The following ASXL2 variants were observed in gnomAD, a reference collection of about 807,000 sequenced individuals.
ASXL2 encodes putative Polycomb group protein ASXL2.
In ASXL2, 23 loss-of-function variants were observed where a neutral mutation model predicts 122.0. That is an observed-to-expected ratio of 0.19 (90% CI 0.14 to 0.27). The LOEUF (loss-of-function observed/expected upper bound fraction) is 0.27, where lower values mean the gene tolerates loss of function less well. Ranked by LOEUF, ASXL2 falls within the 10% of genes least tolerant of loss-of-function variation. The pLI, the probability that ASXL2 is intolerant of heterozygous loss-of-function variation, is 1.00. For synonymous variants in ASXL2, 650 were observed against 637.0 expected (o/e 1.02, Z -0.31); for missense variants, 1,518 against 1,713.8 (o/e 0.89, Z 2.02).
At chr2:25,774,832 A>G (rs1163882508) in intron 5 of ASXL2, among the ~76,000 whole-genome samples, 3 of 152,204 alleles carry the variant, frequency 2.0e-5, no homozygotes, top group Non-Finnish European at 4.4e-5. Context: ...AGTTTTCTAC[A>G]TCCTTGCCAA....
At chr2:25,805,333 TAAAC>T (rs947401834) in intron 4 of ASXL2, among the ~76,000 whole-genome samples, 13 of 152,164 alleles carry the variant, frequency 8.5e-5, no homozygotes, top group Admixed American at 7.2e-4. Flanking sequence ...TGAGGCTTCT[TAAAC>T]AATTATTATA....
chr2:25,848,229 T>C (rs1159610876), intron 1 of ASXL2, among the ~76,000 whole-genome samples: 2 of 152,234 alleles, frequency 1.3e-5, no homozygotes, highest in Admixed American at 6.5e-5. Flanking sequence ...TCCATGTTAA[T>C]GGTAAAAATT....
chr2:25,810,456 C>T, intron 3 of ASXL2: 1 of 717,968 alleles, frequency 1.4e-6, no homozygotes, highest in Non-Finnish European at 2.5e-6. Flanking sequence ...CCACGTGCTC[C>T]TGAGCACAGT....
intron 1 of ASXL2, among the ~76,000 whole-genome samples, chr2:25,847,871 T>A (rs1259594208): frequency 2.0e-5 from 3 of 152,218 alleles, no homozygotes; most frequent in African/African-American, 7.2e-5. Context: ...AGGTAAATGA[T>A]AAACAAAGAT....
At position 25,826,762 on chromosome 2, in the gene ASXL2, T is replaced by TAAAAAA. The variant is rs55765302; in HGVS notation, c.143+8770_143+8775dup. 2.2e-4 allele frequency among the ~76,000 whole-genome samples: 15 copies of TAAAAAA among 68,082 alleles called. 1 individual carries two copies. The highest frequency in any genetic ancestry group is 1.1e-3 in the Admixed American group (5 of 4,528). 44.7% of individuals were successfully genotyped at this position (68,082 alleles called of 152,430 possible). ...AGGATTAAATAATAGACTTTCAAGG[T>TAAAAAA]AAAAAAAAAAAAAAAAAAAAAAAAA... is the stretch of plus-strand genomic sequence containing the variant. On this transcript the variant is annotated intron_variant, in intron 3 of 12. Coordinates refer to ENST00000435504, the MANE Select transcript of ASXL2 (RefSeq NM_018263.6).
chr2:25,769,889 C>G (rs1010847239), intron 6 of ASXL2, among the ~76,000 whole-genome samples: 1 of 152,200 alleles, frequency 6.6e-6, no homozygotes, highest in Non-Finnish European at 1.5e-5. Flanking sequence ...AACAAATGAT[C>G]TCCTCACTCT....
At chr2:25,830,420 T>C (rs1353535360) in intron 3 of ASXL2, among the ~76,000 whole-genome samples, 1 of 152,072 alleles carries the variant, frequency 6.6e-6, no homozygotes, top group East Asian at 1.9e-4. Flanking sequence ...TCACCTGAGG[T>C]CAGGAGTTTG....
At chr2:25,799,693 CTT>C (rs944173224) in intron 4 of ASXL2, among the ~76,000 whole-genome samples, 158 bp from the exon 5 acceptor site, 12 of 152,270 alleles carry the variant, frequency 7.9e-5, no homozygotes, top group African/African-American at 2.9e-4. Context: ...CCTGTCATCT[CTT>C]TGAGGCAAAT....
At chr2:25,748,459 T>C (rs866632725) in intron 12 of ASXL2, among the ~76,000 whole-genome samples, 9 of 151,770 alleles carry the variant, frequency 5.9e-5, no homozygotes, top group Admixed American at 3.3e-4. Flanking sequence ...TGAGCCAAGA[T>C]TGTGCCACTG....
chr2:25,830,157 A>G (rs903711024), intron 3 of ASXL2, among the ~76,000 whole-genome samples: 3 of 152,220 alleles, frequency 2.0e-5, no homozygotes, highest in Admixed American at 6.5e-5. Context: ...CAATCCACTA[A>G]AACAGTCCAG....
intron 2 of ASXL2, among the ~76,000 whole-genome samples, chr2:25,841,495 A>G (rs1477601666): frequency 6.6e-6 from 1 of 152,048 alleles, no homozygotes. Flanking sequence ...GGTACAGAGA[A>G]ATTGTATGTT....
chr2:25,866,085 A>G lies in ASXL2; in HGVS notation c.57+12081T>C, dbSNP rs1419943942. Among the ~76,000 whole-genome samples, 4 of 151,962 alleles carry G rather than the reference A, an allele frequency of 2.6e-5. No individual in the cohort carries two copies. In the East Asian group the frequency reaches 7.7e-4, roughly 29 times the overall value. On this transcript the variant is annotated intron_variant, in intron 1 of 12. Coordinates refer to ENST00000435504, the MANE Select transcript of ASXL2 (RefSeq NM_018263.6). ...AAATCACACAGGAAGTTAAAAATAT[A>G]CAATTTTTAAGATTGTCATTAAAGC...
At position 25,802,381 on chromosome 2, in the gene ASXL2, G is replaced by A. The variant is rs78949783; in HGVS notation, c.253-2846C>T. ...GTGTCCAGCACAGAGGTAATATTGT[G>A]ATATAGTATGAAATATATATTTGGT... On this transcript the variant is annotated intron_variant, in intron 4 of 12. Coordinates refer to ENST00000435504, the MANE Select transcript of ASXL2 (RefSeq NM_018263.6). 1.2e-4 allele frequency among the ~76,000 whole-genome samples: 18 copies of A among 152,266 alleles called. No homozygotes were observed. In the East Asian group the frequency reaches 3.5e-3, roughly 29 times the overall value.
chr2:25,774,478 T>G (rs1574409538), intron 5 of ASXL2, among the ~76,000 whole-genome samples: 1 of 152,162 alleles, frequency 6.6e-6, no homozygotes, highest in East Asian at 1.9e-4. Flanking sequence ...ATAAATATTG[T>G]GCAGCAGGAA....
chr2:25,852,208 C>T lies in ASXL2; in HGVS notation c.58-6645G>A, dbSNP rs142816938. On this transcript the variant is annotated intron_variant, in intron 1 of 12. Coordinates refer to ENST00000435504, the MANE Select transcript of ASXL2 (RefSeq NM_018263.6). ...TACTTTATGACAATATGAATAACCA[C>T]TCAGAATAACTAAAATCAACACTAC... Among the ~76,000 whole-genome samples the T allele has an allele frequency of 2.4e-4, 36 of 152,268 alleles. No homozygotes were observed. In the East Asian group the frequency reaches 6.2e-3, roughly 26 times the overall value.
intron 4 of ASXL2, among the ~76,000 whole-genome samples, chr2:25,803,468 AG>A (rs1480892074): frequency 6.6e-6 from 1 of 152,170 alleles, no homozygotes; most frequent in East Asian, 1.9e-4. Context: ...AGGGGATGGG[AG>A]GGTACTGAGC....
intron 1 of ASXL2, among the ~76,000 whole-genome samples, chr2:25,873,107 C>G (rs2089975952): frequency 6.6e-6 from 1 of 152,072 alleles, no homozygotes; most frequent in Non-Finnish European, 1.5e-5. Flanking sequence ...CTTTCCCCAC[C>G]CAGAGTCCCC....
intron 8 of ASXL2, among the ~76,000 whole-genome samples, 188 bp from the exon 9 acceptor site, chr2:25,759,833 G>T (rs1036325557): frequency 2.0e-5 from 3 of 152,112 alleles, no homozygotes; most frequent in Admixed American, 2.0e-4. Flanking sequence ...TTCATTTATA[G>T]AGGATAAAAG....
In ASXL2 at chr2:25,878,346, G is replaced by C. The variant is rs1574460462; in HGVS notation, c.-124C>G. 12 of 979,036 alleles carry C rather than the reference G, an allele frequency of 1.2e-5. No individual in the cohort carries two copies. Among genetic ancestry groups the C allele is most frequent in the South Asian group, 2.9e-5 (2 of 68,250 alleles). 60.6% of individuals were successfully genotyped at this position (979,036 alleles called of 1,614,324 possible). A position where few individuals can be genotyped will look rare whatever the true frequency, so the allele number is the denominator to read the frequency against. Reference sequence around the variant, plus strand: ...GGTGGGAGAAAAGGGAAGTCAGACCGGGGGGGCACCCAAGCAGAGGAAGCG... The same window carrying C: ...GGTGGGAGAAAAGGGAAGTCAGACCCGGGGGGCACCCAAGCAGAGGAAGCG... On this transcript the variant is annotated 5_prime_UTR_variant, in exon 1 of 13. Coordinates refer to ENST00000435504, the MANE Select transcript of ASXL2 (RefSeq NM_018263.6).
Sources: gnomAD v4.1 joint callset for allele counts (sites outside exome capture counted in the v4.1 genomes callset) on GRCh38, gnomAD v4.1.1 for gene constraint, MANE v1.5 for transcripts, NCBI Gene and HGNC (gene_info 2026-07-23, HGNC 2026-07-21) for gene names.